C1orf21: variants seen among roughly 807,000 people sequenced by gnomAD.
The protein encoded by C1orf21 is chromosome 1 open reading frame 21, also known as uncharacterized protein C1orf21.
In C1orf21, 3 loss-of-function variants were observed where a neutral mutation model predicts 18.7. The ratio of observed to expected loss-of-function variants is 0.16; its 90% CI spans 0.07 to 0.42. The LOEUF is 0.42. C1orf21 is among the 10% of genes least tolerant of loss of function. The pLI is 0.99. For missense variants in C1orf21, 104 were observed against 143.6 expected, an observed-to-expected ratio of 0.72 and a Z score of 1.41; for synonymous variants, 41 against 46.4, an observed-to-expected ratio of 0.88 and a Z score of 0.47.
intron 3 of C1orf21, among the ~76,000 whole-genome samples, chr1:184,587,895 A>G (rs2101997878): frequency 6.6e-6 from 1 of 152,250 alleles, no homozygotes; most frequent in South Asian, 2.1e-4. Flanking sequence ...GATTGCAAGC[A>G]TGAGCCACTG....
chr1:184,608,832 C>A (rs978194448), intron 5 of C1orf21, among the ~76,000 whole-genome samples: 2 of 152,150 alleles, frequency 1.3e-5, no homozygotes, highest in African/African-American at 4.8e-5. Context: ...CTTAGCCATG[C>A]CCTAGAAGAG....
At chr1:184,603,667 C>T (rs1475474920) in intron 5 of C1orf21, among the ~76,000 whole-genome samples, 2 of 152,124 alleles carry the variant, frequency 1.3e-5, no homozygotes, top group Non-Finnish European at 2.9e-5. Flanking sequence ...TGATAGTGCA[C>T]GCCTATAATC....
chr1:184,613,505 A>G (rs1659771254), intron 5 of C1orf21, among the ~76,000 whole-genome samples: 1 of 152,236 alleles, frequency 6.6e-6, no homozygotes, highest in Non-Finnish European at 1.5e-5. Context: ...TTCTGTGTGC[A>G]TAGTTTTGCT....
intron 5 of C1orf21, among the ~76,000 whole-genome samples, chr1:184,603,962 C>T (rs562649196): frequency 4.6e-5 from 7 of 152,206 alleles, no homozygotes; most frequent in Admixed American, 1.3e-4. Flanking sequence ...AATCTGCATT[C>T]GTAAATTTTT....
At chr1:184,450,547 T>C (rs993985766) in intron 1 of C1orf21, among the ~76,000 whole-genome samples, 1 of 152,166 alleles carries the variant, frequency 6.6e-6, no homozygotes, top group Admixed American at 6.5e-5. Flanking sequence ...ATACCAACCT[T>C]GTAGGTTTTG....
intron 1 of C1orf21, among the ~76,000 whole-genome samples, chr1:184,470,222 T>G (rs1231437512): frequency 6.6e-6 from 1 of 152,172 alleles, no homozygotes; most frequent in Admixed American, 6.6e-5. Context: ...GGCAAGCTGA[T>G]TTCACCCAGT....
At chr1:184,550,643 T>A (rs1362844763) in intron 3 of C1orf21, among the ~76,000 whole-genome samples, 1 of 152,182 alleles carries the variant, frequency 6.6e-6, no homozygotes, top group Admixed American at 6.5e-5. Context: ...CAAACGATCC[T>A]CCAACCTCAG....
chr1:184,471,845 G>A (rs1159838472), intron 1 of C1orf21, among the ~76,000 whole-genome samples: 1 of 152,186 alleles, frequency 6.6e-6, no homozygotes, highest in Non-Finnish European at 1.5e-5. Flanking sequence ...CATCAGACGA[G>A]TGTGAGGTGA....
rs1414790956 is a variant in C1orf21, at chr1:184,417,219, C to T, written c.-125+29851C>T. The stretch of plus-strand genomic sequence containing the variant: ...CAGACTCAGAGGATTACTGTCAGAG[C>T]CCTTTTCAGTGAAAAGAAAAGCTGC... On this transcript the variant is annotated intron_variant, in intron 1 of 5. Transcript: ENST00000235307. Among the ~76,000 whole-genome samples the T allele has an allele frequency of 3.7e-4, 56 of 152,156 alleles. 1 individual carries two copies. The highest frequency in any genetic ancestry group is 3.6e-3 in the Admixed American group (55 of 15,274).
intron 1 of C1orf21, among the ~76,000 whole-genome samples, chr1:184,424,485 A>G (rs1656600532): frequency 6.6e-6 from 1 of 152,156 alleles, no homozygotes; most frequent in Admixed American, 6.5e-5. Flanking sequence ...ACCCTTCCCA[A>G]ACGTTCTGTA....
chr1:184,460,033 G>A (rs1657277698), intron 1 of C1orf21, among the ~76,000 whole-genome samples: 1 of 152,088 alleles, frequency 6.6e-6, no homozygotes, highest in South Asian at 2.1e-4. Context: ...TCCCCACAGG[G>A]ACTCCACACA....
intron 2 of C1orf21, among the ~76,000 whole-genome samples, chr1:184,484,537 G>A (rs577126883): frequency 1.3e-5 from 2 of 152,132 alleles, no homozygotes; most frequent in African/African-American, 2.4e-5. Flanking sequence ...GGAACTGCAT[G>A]GGCTTGAGAG....
intron 1 of C1orf21, among the ~76,000 whole-genome samples, chr1:184,394,189 T>C (rs868314233): frequency 7.2e-5 from 11 of 152,232 alleles, no homozygotes; most frequent in South Asian, 4.1e-4. Context: ...CTGAGTGCTT[T>C]AGGGCTTTTG....
At chr1:184,510,736 G>A (rs946668133) in intron 3 of C1orf21, among the ~76,000 whole-genome samples, 1 of 152,172 alleles carries the variant, frequency 6.6e-6, no homozygotes, top group African/African-American at 2.4e-5. Flanking sequence ...CCAGCCAAGA[G>A]GCCTAAAATT....
chr1:184,559,126 T>C (rs1204626394), intron 3 of C1orf21, among the ~76,000 whole-genome samples: 4 of 152,212 alleles, frequency 2.6e-5, no homozygotes, highest in Non-Finnish European at 4.4e-5. Flanking sequence ...AAATCTAGTG[T>C]TGAATTGTAA....
At chr1:184,414,895 G>GT (rs1656424126) in intron 1 of C1orf21, among the ~76,000 whole-genome samples, 1 of 152,098 alleles carries the variant, frequency 6.6e-6, no homozygotes, top group South Asian at 2.1e-4. Context: ...TCTTACTTTT[G>GT]TGTGGGGGGA....
intron 1 of C1orf21, among the ~76,000 whole-genome samples, chr1:184,452,124 T>A (rs1331867427): frequency 6.6e-6 from 1 of 152,180 alleles, no homozygotes; most frequent in African/African-American, 2.4e-5. Context: ...GACATGTCCA[T>A]GTGCAATGTA....
chr1:184,559,849 C>T (rs1280848394), intron 3 of C1orf21, among the ~76,000 whole-genome samples: 1 of 152,056 alleles, frequency 6.6e-6, no homozygotes, highest in East Asian at 1.9e-4. Flanking sequence ...AACTCCTGAG[C>T]TCAAGTTATC....
intron 3 of C1orf21, among the ~76,000 whole-genome samples, chr1:184,559,753 G>A (rs1030119192): frequency 1.3e-5 from 2 of 151,784 alleles, no homozygotes; most frequent in Non-Finnish European, 2.9e-5. Flanking sequence ...GAGCAGCTGG[G>A]ACTACAGGTG....
Sources: gnomAD v4.1 joint callset for allele counts (sites outside exome capture counted in the v4.1 genomes callset) on GRCh38, gnomAD v4.1.1 for gene constraint, MANE v1.5 for transcripts, NCBI Gene and HGNC (gene_info 2026-07-23, HGNC 2026-07-21) for gene names.